Variants in HERC3 observed in about 807,000 individuals in gnomAD.
HERC3 encodes probable E3 ubiquitin-protein ligase HERC3.
A neutral mutation model predicts 129.9 loss-of-function variants in HERC3; 58 were observed. That is an observed-to-expected ratio of 0.45 (90% CI 0.36 to 0.56). The LOEUF is 0.56. HERC3 is among the 20% of genes least tolerant of loss of function. The pLI is 0.00. For synonymous variants in HERC3, 430 were observed against 451.0 expected (o/e 0.95, Z 0.59); for missense variants, 835 against 1,244.2 (o/e 0.67, Z 4.95).
At chr4:88,542,580 C>A in the HERC3 span, among the ~76,000 whole-genome samples, 2 of 152,214 alleles carry the variant, frequency 1.3e-5, no homozygotes, top group Admixed American at 1.3e-4. Context: ...CTCTGTAACT[C>A]ATTTTATGAG....
rs1415565927 is a variant in HERC3 at position 88,667,434 on chromosome 4, T to C, written c.1389T>C (p.Thr463=). ...PKIPGIDLNS[T]RVLFEKLMNS... is the part of the protein sequence containing the mutation. ...TCCCTGGGATTGACCTGAACTCAAC[T>C]AGGGTGTTATTTGAGAAGTTAATGA... Residue 463 remains threonine (T), a synonymous_variant, in exon 13 of 26, where the codon ACT becomes ACC. Transcript: ENST00000402738. The C allele has an allele frequency of 7.5e-6, 12 of 1,610,604 alleles. No individual in the cohort carries two copies. The highest frequency in any genetic ancestry group is 1.0e-5 in the Non-Finnish European group (12 of 1,178,096).
the HERC3 span, among the ~76,000 whole-genome samples, chr4:88,538,365 A>G: frequency 6.6e-6 from 1 of 152,204 alleles, no homozygotes; most frequent in African/African-American, 2.4e-5. Flanking sequence ...GCTATAACAA[A>G]GTACCACAGA....
intron 23 of HERC3, chr4:88,696,026 G>GAGTCTTTAC: frequency 6.5e-6 from 1 of 152,686 alleles, no homozygotes; most frequent in South Asian, 2.1e-4. Context: ...CAGAAGCTAA[G>GAGTCTTTAC]AGTCTTTACA....
At chr4:88,666,741 T>A (rs1267310299) in intron 12 of HERC3, among the ~76,000 whole-genome samples, 1 of 152,206 alleles carries the variant, frequency 6.6e-6, no homozygotes, top group Non-Finnish European at 1.5e-5. Context: ...AAGATTTTAT[T>A]TAAGGTTAAA....
rs561350477 is a variant in HERC3, at chr4:88,685,270, A to T, written c.2508-1466A>T. ...TATATATCCAAAGGATTTATAAATC[A>T]TTCTACTGTAAAGACACATGCACAC... On this transcript the variant is annotated intron_variant, in intron 21 of 25. Coordinates refer to ENST00000402738, the MANE Select transcript of HERC3 (RefSeq NM_014606.3). Among the ~76,000 whole-genome samples, 474 of 152,366 alleles carry T rather than the reference A, an allele frequency of 3.1e-3. 3 individuals carry two copies. Among genetic ancestry groups the T allele is most frequent in the African/African-American group, 0.011 (451 of 41,576 alleles).
the HERC3 span, among the ~76,000 whole-genome samples, chr4:88,538,235 A>G: frequency 3.3e-5 from 5 of 152,148 alleles, no homozygotes; most frequent in Non-Finnish European, 7.3e-5. Context: ...GGAGTACAAC[A>G]TTTCCTTCTC....
chr4:88,547,288 T>A, the HERC3 span, among the ~76,000 whole-genome samples: 1 of 152,220 alleles, frequency 6.6e-6, no homozygotes, highest in African/African-American at 2.4e-5. Flanking sequence ...AGCTAATCAC[T>A]GCATTATTGT....
chr4:88,577,346 A>G, the HERC3 span, among the ~76,000 whole-genome samples: 1 of 152,250 alleles, frequency 6.6e-6, no homozygotes, highest in African/African-American at 2.4e-5. Context: ...TCCTCTGTGC[A>G]TGTATTTTCC....
the HERC3 span, among the ~76,000 whole-genome samples, chr4:88,530,317 A>C: frequency 6.6e-6 from 1 of 152,030 alleles, no homozygotes; most frequent in East Asian, 1.9e-4. Flanking sequence ...AGCTATCCCT[A>C]TTTTCAAGAT....
At chr4:88,581,552 C>A in the HERC3 span, among the ~76,000 whole-genome samples, 1 of 151,788 alleles carries the variant, frequency 6.6e-6, no homozygotes, top group African/African-American at 2.4e-5. Flanking sequence ...GTGATCTGCT[C>A]ACCTTGGCCT....
intron 18 of HERC3, among the ~76,000 whole-genome samples, chr4:88,677,692 G>T (rs1732317745): frequency 6.6e-6 from 1 of 152,010 alleles, no homozygotes. Flanking sequence ...TACTATTTTA[G>T]TATTAATCAG....
chr4:88,688,851 T>C (rs185516086), intron 23 of HERC3, among the ~76,000 whole-genome samples: 1 of 152,308 alleles, frequency 6.6e-6, no homozygotes, highest in Admixed American at 6.5e-5. Flanking sequence ...AGAGGAGCTA[T>C]ATAAGTTAGA....
chr4:88,690,475 A>G, intron 23 of HERC3: 1 of 985,402 alleles, frequency 1.0e-6, no homozygotes, highest in East Asian at 1.1e-4. Context: ...CAGACAAGAT[A>G]ATGTGTGCAT....
At chr4:88,615,416 C>A (rs1724797049) in intron 3 of HERC3, among the ~76,000 whole-genome samples, 1 of 152,190 alleles carries the variant, frequency 6.6e-6, no homozygotes, top group Non-Finnish European at 1.5e-5. Flanking sequence ...AACCCTCTAA[C>A]AGATGTATGG....
the HERC3 span, among the ~76,000 whole-genome samples, chr4:88,565,954 T>C: frequency 2.0e-5 from 3 of 152,150 alleles, no homozygotes; most frequent in Non-Finnish European, 4.4e-5. Flanking sequence ...TGTTTTTTTT[T>C]CCAACTCTTG....
the HERC3 span, among the ~76,000 whole-genome samples, chr4:88,529,092 A>C: frequency 1.3e-5 from 2 of 152,202 alleles, no homozygotes; most frequent in African/African-American, 4.8e-5. Context: ...AAATTATAAT[A>C]AGTGAAAAAC....
At chr4:88,637,053 C>T (rs963858528) in intron 3 of HERC3, among the ~76,000 whole-genome samples, 5 of 152,018 alleles carry the variant, frequency 3.3e-5, no homozygotes, top group African/African-American at 7.3e-5. Context: ...TGCTTGAATC[C>T]GGGAGGCAGA....
At chr4:88,697,775 G>A in intron 23 of HERC3, 1 of 1,569,214 alleles carries the variant, frequency 6.4e-7, no homozygotes, top group Non-Finnish European at 8.6e-7. Context: ...AAGCCGCAGA[G>A]GTCTAGGAGG....
the HERC3 span, chr4:88,528,178 C>G: frequency 5.1e-6 from 1 of 195,478 alleles, no homozygotes; most frequent in East Asian, 1.4e-4. Context: ...TGACCTGCAA[C>G]TGCCCTGTGC....
Sources: gnomAD v4.1 joint callset for allele counts (sites outside exome capture counted in the v4.1 genomes callset) on GRCh38, gnomAD v4.1.1 for gene constraint, MANE v1.5 for transcripts, NCBI Gene and HGNC (gene_info 2026-07-23, HGNC 2026-07-21) for gene names.